Variants in KCNN2 observed in about 807,000 individuals in gnomAD.
KCNN2 encodes the protein potassium calcium-activated channel subfamily N member 2.
Under a neutral mutation model 55.5 loss-of-function variants are expected in KCNN2, and 24 were observed. The ratio of observed to expected loss-of-function variants is 0.43; its 90% CI spans 0.31 to 0.61. The LOEUF is 0.61. Ranked by LOEUF, KCNN2 falls within the 20% of genes least tolerant of loss-of-function variation. KCNN2 has a pLI of 0.08. For synonymous variants in KCNN2, 431 were observed against 336.1 expected (o/e 1.28, Z -3.09); for missense variants, 754 against 853.6 (o/e 0.88, Z 1.45).
chr5:114,433,736 C>G (rs1408056282), intron 3 of KCNN2: 1 of 152,662 alleles, frequency 6.6e-6, no homozygotes, highest in Admixed American at 6.6e-5. Flanking sequence ...ACACTCACGG[C>G]GAAGGTCTGC....
At chr5:114,312,510 C>A (rs1410068339) in intron 2 of KCNN2, among the ~76,000 whole-genome samples, 1 of 140,408 alleles carries the variant, frequency 7.1e-6, no homozygotes, top group Non-Finnish European at 1.5e-5. Context: ...CTTGTACAAA[C>A]CCCCATATGG....
At chr5:114,380,202 C>T (rs1758074171) in intron 2 of KCNN2, among the ~76,000 whole-genome samples, 1 of 152,072 alleles carries the variant, frequency 6.6e-6, no homozygotes, top group South Asian at 2.1e-4. Context: ...ACATGGAAAA[C>T]TCCTTTTGGG....
chr5:114,278,199 G>T (rs1259913729), intron 2 of KCNN2, among the ~76,000 whole-genome samples: 5 of 152,152 alleles, frequency 3.3e-5, no homozygotes, highest in Non-Finnish European at 7.4e-5. Context: ...AAATATTGCT[G>T]CCTGATCCTT....
Position 114,157,922 on chromosome 5 carries a change from G to C in KCNN2, c.-270-63558G>C, listed in dbSNP as rs575642616. On this transcript the variant is annotated intron_variant, in intron 1 of 10. Coordinates refer to the KCNN2 transcript ENST00000512097. Reference sequence around the variant, plus strand: ...ATATTAGCCCTTTGTCAGATGAGTAGATTGCAAAAATTTTCTCCCATTCTG... The same window carrying C: ...ATATTAGCCCTTTGTCAGATGAGTACATTGCAAAAATTTTCTCCCATTCTG... 3.4e-4 allele frequency among the ~76,000 whole-genome samples: 51 copies of C among 150,722 alleles called. 1 individual carries two copies. Among genetic ancestry groups the C allele is most frequent in the African/African-American group, 1.2e-3 (49 of 40,804 alleles).
chr5:114,141,162 G>A (rs1422216804), intron 1 of KCNN2, among the ~76,000 whole-genome samples: 1 of 151,846 alleles, frequency 6.6e-6, no homozygotes, highest in Non-Finnish European at 1.5e-5. Flanking sequence ...TTAAGTTCTA[G>A]GGTACATGTG....
At chr5:114,070,179 G>A (rs2974490) in intron 1 of KCNN2, among the ~76,000 whole-genome samples, 132,908 of 152,156 alleles carry the variant, frequency 0.87, 58,208 homozygotes, top group Non-Finnish European at 0.9. Context: ...TGTCTCGACT[G>A]TCTCATCCCT....
At chr5:114,244,298 T>G (rs1580655167) in intron 2 of KCNN2, among the ~76,000 whole-genome samples, 1 of 149,102 alleles carries the variant, frequency 6.7e-6, no homozygotes, top group African/African-American at 2.5e-5. Context: ...GATGGAATTT[T>G]TTTGCTTGTT....
At chr5:114,193,436 A>G (rs1186055635) in intron 1 of KCNN2, among the ~76,000 whole-genome samples, 1 of 152,090 alleles carries the variant, frequency 6.6e-6, no homozygotes, top group Non-Finnish European at 1.5e-5. Flanking sequence ...CTCAACGCAC[A>G]CCTCTCCTCA....
At chr5:114,082,054 A>G (rs1227913212) in intron 1 of KCNN2, among the ~76,000 whole-genome samples, 3 of 152,214 alleles carry the variant, frequency 2.0e-5, no homozygotes, top group African/African-American at 7.2e-5. Flanking sequence ...AAAAATGTCC[A>G]GTAAGCACGT....
intron 1 of KCNN2, among the ~76,000 whole-genome samples, chr5:114,161,673 C>T (rs1752787605): frequency 6.6e-6 from 1 of 152,114 alleles, no homozygotes; most frequent in Admixed American, 6.6e-5. Context: ...TCACATAGTC[C>T]CATATTTCTT....
At chr5:114,132,374 T>G (rs910727256) in intron 1 of KCNN2, among the ~76,000 whole-genome samples, 1 of 152,184 alleles carries the variant, frequency 6.6e-6, no homozygotes, top group African/African-American at 2.4e-5. Context: ...CCAGCTCCAT[T>G]TATGAAATAG....
chr5:114,267,528 A>C (rs1041949026), intron 2 of KCNN2, among the ~76,000 whole-genome samples: 7 of 152,142 alleles, frequency 4.6e-5, no homozygotes, highest in African/African-American at 1.7e-4. Context: ...GAGCCAGAGA[A>C]CAGTAGTGGT....
In KCNN2 at chr5:114,462,837, T is replaced by C. The variant is rs145977747; in HGVS notation, c.1638-212T>C. On this transcript the variant is annotated intron_variant, in intron 3 of 7. Coordinates refer to ENST00000673685, the MANE Select transcript of KCNN2 (RefSeq NM_021614.4). ...GAAATCTGTTTTATATTTTACAGTC[T>C]CTTTCAGATGATATATAAAGTTGAG... 3.9e-5 allele frequency among the ~76,000 whole-genome samples: 6 copies of C among 152,342 alleles called. No homozygotes were observed. The East Asian group carries it at 1.2e-3, about 29-fold the overall frequency.
Position 114,139,732 on chromosome 5 carries a change from C to T in KCNN2, c.-270-81748C>T, listed in dbSNP as rs571015338. On this transcript the variant is annotated intron_variant, in intron 1 of 10. Coordinates refer to the KCNN2 transcript ENST00000512097. ...ACTTGTATATTTTTTTTTCAAAAAT[C>T]AGAACTGGCTCTACATACTGATCAA... Among the ~76,000 whole-genome samples the T allele has an allele frequency of 6.0e-5, 9 of 151,166 alleles. No homozygotes were observed. The South Asian group carries it at 1.9e-3, about 32-fold the overall frequency.
chr5:114,387,222 A>G (rs901494883), intron 2 of KCNN2, among the ~76,000 whole-genome samples: 4 of 152,242 alleles, frequency 2.6e-5, no homozygotes, highest in Non-Finnish European at 5.9e-5. Context: ...CCATGTGGGT[A>G]TTCAGAGCTA....
chr5:114,453,087 G>A (rs900259415), intron 3 of KCNN2, among the ~76,000 whole-genome samples: 1 of 152,128 alleles, frequency 6.6e-6, no homozygotes, highest in Non-Finnish European at 1.5e-5. Flanking sequence ...TTGCCCTACA[G>A]CCACATGGGC....
At chr5:114,134,551 C>T (rs1020742589) in intron 1 of KCNN2, among the ~76,000 whole-genome samples, 1 of 151,578 alleles carries the variant, frequency 6.6e-6, no homozygotes, top group African/African-American at 2.4e-5. Flanking sequence ...TCTCAGCTCA[C>T]TGCAACCTCC....
At chr5:114,388,518 T>C (rs1239091518) in intron 2 of KCNN2, among the ~76,000 whole-genome samples, 2 of 152,212 alleles carry the variant, frequency 1.3e-5, no homozygotes, top group Admixed American at 6.5e-5. Flanking sequence ...TTTGACTTTC[T>C]CCAAATTAAT....
chr5:114,434,909 G>T (rs184096269), intron 3 of KCNN2, among the ~76,000 whole-genome samples: 1 of 152,260 alleles, frequency 6.6e-6, no homozygotes, highest in East Asian at 1.9e-4. Context: ...ACCCAAGGTG[G>T]TTACAGTCTG....
Sources: allele counts gnomAD v4.1 joint callset (sites outside exome capture counted in the v4.1 genomes callset), GRCh38; gene constraint gnomAD v4.1.1; transcripts MANE v1.5; gene names NCBI Gene and HGNC (gene_info 2026-07-23, HGNC 2026-07-21).